The following TMC7 variants were observed in gnomAD, a reference collection of about 807,000 sequenced individuals.
TMC7 encodes transmembrane channel like 7, also known as transmembrane channel-like protein 7.
In TMC7, 54 loss-of-function variants were observed where a neutral mutation model predicts 82.9. That is an observed-to-expected ratio of 0.65 (90% CI 0.52 to 0.82). The LOEUF is 0.82. Among genes scored for constraint, TMC7 ranks in the 40% least tolerant of loss-of-function variants. TMC7 has a pLI of 0.00. For missense variants in TMC7, 820 were observed against 901.2 expected (o/e 0.91, Z 1.15); for synonymous variants, 350 against 337.9 (o/e 1.04, Z -0.39).
At chr16:19,001,460 C>T (rs1362052206) in intron 1 of TMC7, among the ~76,000 whole-genome samples, 8 of 152,166 alleles carry the variant, frequency 5.3e-5, no homozygotes, top group Admixed American at 2.0e-4. Flanking sequence ...GTGGGAGGAT[C>T]ACTTGAGCCC....
chr16:19,026,018 C>T (rs137877137), intron 5 of TMC7, among the ~76,000 whole-genome samples: 162 of 152,012 alleles, frequency 1.1e-3, no homozygotes, highest in African/African-American at 3.7e-3. Flanking sequence ...TCAAGCAATC[C>T]ACCTGTCTCG....
intron 3 of TMC7, among the ~76,000 whole-genome samples, chr16:19,020,214 A>G (rs922342414): frequency 1.3e-5 from 2 of 152,206 alleles, no homozygotes; most frequent in African/African-American, 4.8e-5. Flanking sequence ...ACCTATAAAC[A>G]TTATACAGCA....
intron 1 of TMC7, among the ~76,000 whole-genome samples, chr16:19,007,550 A>T (rs913213157): frequency 1.3e-5 from 2 of 152,128 alleles, no homozygotes; most frequent in Admixed American, 1.3e-4. Flanking sequence ...CTTTTCCCCA[A>T]ATATCCAGGG....
intron 1 of TMC7, among the ~76,000 whole-genome samples, chr16:18,995,279 G>T (rs935004596): frequency 1.3e-5 from 2 of 152,104 alleles, no homozygotes; most frequent in East Asian, 3.9e-4. Flanking sequence ...ATGTGGAGTG[G>T]GTAGCCTCCG....
intron 7 of TMC7, among the ~76,000 whole-genome samples, chr16:19,037,214 C>G (rs926762089): frequency 1.3e-5 from 2 of 151,040 alleles, no homozygotes; most frequent in African/African-American, 4.9e-5. Flanking sequence ...ATGGTGAAAC[C>G]CCGTCTCTAC....
intron 12 of TMC7, among the ~76,000 whole-genome samples, chr16:19,048,909 A>G (rs1596790780): frequency 6.6e-6 from 1 of 152,220 alleles, no homozygotes; most frequent in East Asian, 1.9e-4. Flanking sequence ...AATAATGATA[A>G]TAATGGTGTT....
chr16:18,984,874 C>A (rs115390640), intron 1 of TMC7, among the ~76,000 whole-genome samples: 11 of 152,158 alleles, frequency 7.2e-5, no homozygotes, highest in Non-Finnish European at 1.0e-4. Flanking sequence ...TTGGAGCTTA[C>A]GAATCTTGTC....
Position 19,047,094 on chromosome 16 carries a change from C to T in TMC7, c.1585C>T (p.Leu529=). 6.2e-7 allele frequency: 1 copy of T among 1,612,510 alleles called. No individual in the cohort carries two copies. The highest frequency in any genetic ancestry group is 8.5e-7 in the Non-Finnish European group (1 of 1,179,440). Residue 529 remains leucine, a synonymous_variant, in exon 12 of 16, where the codon CTG becomes TTG. Transcript: ENST00000304381. ...LLVTYCSSCK[L]IQCWGQQEFA... ...GGTGACCTACTGTTCCTCTTGCAAG[C>T]TGATTCAGTGCTGGGGGCAGCAGGA...
chr16:18,997,488 GC>G (rs1213751253), intron 1 of TMC7, among the ~76,000 whole-genome samples: 1 of 151,920 alleles, frequency 6.6e-6, no homozygotes, highest in African/African-American at 2.4e-5. Flanking sequence ...TCCTGCCTTA[GC>G]CCCCCAAGTA....
intron 4 of TMC7, among the ~76,000 whole-genome samples, chr16:19,022,892 T>A (rs576463421): frequency 6.6e-6 from 1 of 152,056 alleles, no homozygotes; most frequent in Non-Finnish European, 1.5e-5. Context: ...TGGTGGTGAA[T>A]GCCTATGATC....
intron 8 of TMC7, among the ~76,000 whole-genome samples, chr16:19,040,064 C>G (rs915959597): frequency 2.2e-5 from 3 of 133,412 alleles, no homozygotes; most frequent in African/African-American, 8.2e-5. Flanking sequence ...TGCAGTGAGC[C>G]GAGATTATGT....
chr16:19,004,289 G>C (rs1002885264), intron 1 of TMC7, among the ~76,000 whole-genome samples: 2 of 152,106 alleles, frequency 1.3e-5, no homozygotes, highest in Admixed American at 6.6e-5. Flanking sequence ...TTCCTAGGAG[G>C]GGGTAGGTGG....
At chr16:19,014,743 AG>A (rs1276155856) in intron 2 of TMC7, among the ~76,000 whole-genome samples, 1 of 152,160 alleles carries the variant, frequency 6.6e-6, no homozygotes, top group African/African-American at 2.4e-5. Context: ...GTTGGACGTC[AG>A]CCTGTTTGCC....
At chr16:18,988,484 T>C (rs1333590144) in intron 1 of TMC7, among the ~76,000 whole-genome samples, 1 of 152,048 alleles carries the variant, frequency 6.6e-6, no homozygotes, top group East Asian at 2.0e-4. Context: ...AGAGACTGGG[T>C]CTGGTTATGT....
In TMC7 at chr16:19,045,516, G is replaced by A. The variant is rs1961232731; in HGVS notation, c.1553+78G>A. 2 of 1,021,348 alleles carry A rather than the reference G, an allele frequency of 2.0e-6. 1 individual carries two copies. Among genetic ancestry groups the A allele is most frequent in the Admixed American group, 3.5e-5 (2 of 56,468 alleles). 63.3% of individuals were successfully genotyped at this position (1,021,348 alleles called of 1,614,324 possible). On this transcript the variant is annotated intron_variant, in intron 11 of 15. Coordinates refer to ENST00000304381, the MANE Select transcript of TMC7 (RefSeq NM_024847.4). ...ACACATACACACACACACAACTGGA[G>A]GGTCCCATTGCAGCTGCATTCCAGA...
At chr16:19,046,047 C>T (rs972111057) in intron 11 of TMC7, among the ~76,000 whole-genome samples, 1 of 152,122 alleles carries the variant, frequency 6.6e-6, no homozygotes, top group African/African-American at 2.4e-5. Context: ...AACTTTCAAG[C>T]AGCTCTAGGC....
intron 6 of TMC7, among the ~76,000 whole-genome samples, chr16:19,030,918 C>T (rs925609737): frequency 2.6e-5 from 4 of 152,054 alleles, no homozygotes; most frequent in Admixed American, 2.6e-4. Context: ...GGCAATCCCA[C>T]CCCACTGCAC....
intron 6 of TMC7, among the ~76,000 whole-genome samples, chr16:19,031,929 T>C (rs1458407538): frequency 6.6e-6 from 1 of 152,212 alleles, no homozygotes; most frequent in African/African-American, 2.4e-5. Context: ...TCACATCCCA[T>C]TGGCTACAGC....
chr16:19,029,546 A>G (rs1174067307), intron 5 of TMC7, among the ~76,000 whole-genome samples: 2 of 151,896 alleles, frequency 1.3e-5, no homozygotes, highest in Admixed American at 6.6e-5. Context: ...ATTTTTTTAA[A>G]AAAAATTTGT....
Sources: allele counts gnomAD v4.1 joint callset (sites outside exome capture counted in the v4.1 genomes callset), GRCh38; gene constraint gnomAD v4.1.1; transcripts MANE v1.5; gene names NCBI Gene and HGNC (gene_info 2026-07-23, HGNC 2026-07-21).